The following PTCHD4 variants were observed in gnomAD, a reference collection of about 807,000 sequenced individuals.
PTCHD4 encodes patched domain containing 4.
Under a neutral mutation model 58.1 loss-of-function variants are expected in PTCHD4, and 33 were observed. That is an observed-to-expected ratio of 0.57 (90% CI 0.43 to 0.76). The LOEUF is 0.76. Ranked by LOEUF, PTCHD4 falls within the 30% of genes least tolerant of loss-of-function variation. The probability of loss-of-function intolerance (pLI) is 0.00; values close to 1 mark genes in which losing one functional copy is unlikely to be tolerated. For missense variants in PTCHD4, 1,058 were observed against 1,027.1 expected (o/e 1.03, Z -0.41); for synonymous variants, 478 against 409.6 (o/e 1.17, Z -2.02).
At chr6:48,033,414 T>C (rs1763519571) in intron 3 of PTCHD4, among the ~76,000 whole-genome samples, 1 of 151,676 alleles carries the variant, frequency 6.6e-6, no homozygotes, top group African/African-American at 2.4e-5. Context: ...ACCAACCATG[T>C]GAGCATCTGC....
At chr6:47,929,555 C>T (rs1181989394) in intron 4 of PTCHD4, among the ~76,000 whole-genome samples, 1 of 152,202 alleles carries the variant, frequency 6.6e-6, no homozygotes, top group Non-Finnish European at 1.5e-5. Flanking sequence ...AAAAGTTGTA[C>T]ATTCTAACAA....
rs953413891 is a variant in PTCHD4 at position 47,869,091 on chromosome 6, G to A, written c.*9212C>T. 6.6e-6 allele frequency among the ~76,000 whole-genome samples: 1 copy of A among 151,600 alleles called. No homozygotes were observed. The highest frequency in any genetic ancestry group is 1.5e-5 in the Non-Finnish European group (1 of 67,750). On this transcript the variant is annotated 3_prime_UTR_variant, in exon 5 of 5. Transcript: ENST00000339488. Reference sequence around the variant, plus strand: ...TATTAAATTGTTTAAGTATAATTTTGGCATCAAGTGACCTTACATATTTTG... The same window carrying A: ...TATTAAATTGTTTAAGTATAATTTTAGCATCAAGTGACCTTACATATTTTG...
intron 1 of PTCHD4, among the ~76,000 whole-genome samples, chr6:48,092,247 A>G (rs1395739443): frequency 6.6e-6 from 1 of 152,218 alleles, no homozygotes; most frequent in Non-Finnish European, 1.5e-5. Context: ...CCTATTAGCC[A>G]TGGTTCCTTT....
Position 47,872,060 on chromosome 6 carries a change from G to T in PTCHD4, c.*6243C>A, listed in dbSNP as rs538336941. On this transcript the variant is annotated 3_prime_UTR_variant, in exon 5 of 5. Coordinates refer to ENST00000339488, the MANE Select transcript of PTCHD4 (RefSeq NM_001384253.1). ...TTTTTTCCCCAGCTCTATCAGTGTT[G>T]CTACCAACAACCAGTGAATTCATCA... 1.3e-4 allele frequency among the ~76,000 whole-genome samples: 20 copies of T among 150,550 alleles called. 1 individual carries two copies. The highest frequency in any genetic ancestry group is 4.6e-4 in the African/African-American group (19 of 41,102).
At chr6:48,005,455 A>G (rs866006844) in intron 4 of PTCHD4, among the ~76,000 whole-genome samples, 4 of 152,228 alleles carry the variant, frequency 2.6e-5, no homozygotes, top group Admixed American at 6.5e-5. Context: ...CAGTTTTGAC[A>G]CCATGTAAAC....
intron 4 of PTCHD4, among the ~76,000 whole-genome samples, chr6:47,881,199 CTT>C (rs902088653): frequency 1.2e-4 from 18 of 152,144 alleles, no homozygotes; most frequent in African/African-American, 3.9e-4. Flanking sequence ...GTGTTACAAA[CTT>C]AATTTACTTA....
chr6:48,099,868 T>C (rs571380058), intron 1 of PTCHD4, among the ~76,000 whole-genome samples: 28 of 152,328 alleles, frequency 1.8e-4, no homozygotes, highest in Admixed American at 1.5e-3. Flanking sequence ...TGCAAACAAA[T>C]GTCTACCGTA....
At chr6:47,930,019 G>A (rs913110033) in intron 4 of PTCHD4, among the ~76,000 whole-genome samples, 3 of 152,192 alleles carry the variant, frequency 2.0e-5, no homozygotes, top group Admixed American at 2.0e-4. Context: ...TTGTTCTGCA[G>A]TCTTACTCTC....
At chr6:48,080,669 G>C (rs1765148752) in intron 1 of PTCHD4, among the ~76,000 whole-genome samples, 1 of 152,186 alleles carries the variant, frequency 6.6e-6, no homozygotes, top group South Asian at 2.1e-4. Context: ...TGTCAGAGAA[G>C]TATGGATGAG....
intron 4 of PTCHD4, among the ~76,000 whole-genome samples, chr6:47,937,345 G>A (rs150163894): frequency 0.011 from 1,613 of 152,316 alleles, 14 homozygotes; most frequent in Middle Eastern, 0.027. Context: ...GAGATGGTAA[G>A]AAGGGGTGAG....
intron 4 of PTCHD4, among the ~76,000 whole-genome samples, chr6:47,946,136 A>T (rs993676258): frequency 6.6e-6 from 1 of 152,052 alleles, no homozygotes; most frequent in Non-Finnish European, 1.5e-5. Context: ...ATCATAGTCA[A>T]TTTCCATCAA....
intron 1 of PTCHD4, among the ~76,000 whole-genome samples, chr6:48,110,083 T>TA (rs1765832741): frequency 1.3e-5 from 2 of 152,296 alleles, no homozygotes; most frequent in Admixed American, 1.3e-4. Context: ...AACTACCATA[T>TA]GATACAGCAA....
At chr6:47,887,193 T>A (rs1764220037) in intron 4 of PTCHD4, among the ~76,000 whole-genome samples, 1 of 150,058 alleles carries the variant, frequency 6.7e-6, no homozygotes, top group Non-Finnish European at 1.5e-5. Context: ...ATAATAGGTA[T>A]AATCTATATA....
At chr6:47,969,955 C>T (rs1167774242) in intron 4 of PTCHD4, among the ~76,000 whole-genome samples, 4 of 151,892 alleles carry the variant, frequency 2.6e-5, no homozygotes, top group Non-Finnish European at 5.9e-5. Context: ...AATAAAGGGG[C>T]CAAAAAAGGT....
chr6:47,928,636 C>G (rs1270313014), intron 4 of PTCHD4, among the ~76,000 whole-genome samples: 1 of 152,150 alleles, frequency 6.6e-6, no homozygotes, highest in African/African-American at 2.4e-5. Flanking sequence ...TGTTATAGCA[C>G]TATGCTTTGT....
Position 48,069,179 on chromosome 6 carries a change from C to G in PTCHD4, c.-222G>C, listed in dbSNP as rs1363565128. ...GAGGGGGGGAGAGGAGGGAGAAGGG[C>G]GGGAGCACGTTGGGGGTGGGGGGGC... is the stretch of plus-strand genomic sequence containing the variant. On this transcript the variant is annotated 5_prime_UTR_variant, in exon 2 of 5. Coordinates refer to ENST00000339488, the MANE Select transcript of PTCHD4 (RefSeq NM_001384253.1). 7.7e-5 allele frequency among the ~76,000 whole-genome samples: 3 copies of G among 39,018 alleles called. No homozygotes were observed. The highest frequency in any genetic ancestry group is 3.9e-4 in the Admixed American group (1 of 2,570). 25.6% of individuals were successfully genotyped at this position (39,018 alleles called of 152,430 possible). A position where few individuals can be genotyped will look rare whatever the true frequency, so the allele number is the denominator to read the frequency against.
At chr6:47,957,884 G>T (rs556121525) in intron 4 of PTCHD4, among the ~76,000 whole-genome samples, 2 of 152,144 alleles carry the variant, frequency 1.3e-5, no homozygotes, top group South Asian at 4.1e-4. Context: ...GATTACAGGC[G>T]TGAGCCACCG....
intron 4 of PTCHD4, among the ~76,000 whole-genome samples, chr6:47,905,613 G>A (rs899397746): frequency 1.3e-5 from 2 of 152,170 alleles, no homozygotes; most frequent in Non-Finnish European, 2.9e-5. Flanking sequence ...GAGCACTAGT[G>A]GAGCCCAAAG....
intron 1 of PTCHD4, among the ~76,000 whole-genome samples, chr6:48,085,058 A>T (rs541575879): frequency 1.8e-3 from 161 of 88,836 alleles, no homozygotes; most frequent in African/African-American, 6.6e-3. Flanking sequence ...ACTTCTCATT[A>T]AAAAAAAAAA....
Sources: gnomAD v4.1 joint callset for allele counts (sites outside exome capture counted in the v4.1 genomes callset) on GRCh38, gnomAD v4.1.1 for gene constraint, MANE v1.5 for transcripts, NCBI Gene and HGNC (gene_info 2026-07-23, HGNC 2026-07-21) for gene names.